The following BIN1 variants were observed in gnomAD, a reference collection of about 807,000 sequenced individuals.
BIN1 encodes bridging integrator 1.
In BIN1, 53 loss-of-function variants were observed where a neutral mutation model predicts 82.0. That is an observed-to-expected ratio of 0.65 (90% CI 0.52 to 0.81). BIN1 has a LOEUF of 0.81. Ranked by LOEUF, BIN1 falls within the 40% of genes least tolerant of loss-of-function variation. The pLI, the probability that BIN1 is intolerant of heterozygous loss-of-function variation, is 0.00. For synonymous variants in BIN1, 302 were observed against 328.0 expected, an observed-to-expected ratio of 0.92 and a Z score of 0.86; for missense variants, 642 against 784.4, an observed-to-expected ratio of 0.82 and a Z score of 2.17.
In BIN1 at chr2:127,107,041, C is replaced by A. The variant is rs1252914355; in HGVS notation, c.-98G>T. The A allele has an allele frequency of 8.1e-7, 1 of 1,241,026 alleles. No individual in the cohort carries two copies. 76.9% of individuals were successfully genotyped at this position (1,241,026 alleles called of 1,614,324 possible). A position where few individuals can be genotyped will look rare whatever the true frequency, so the allele number is the denominator to read the frequency against. ...CCCAGCCCCGGCCGCGCGTCCAGAC[C>A]GGCTGCCGCTCCACGCCGCGCACCC... On this transcript the variant is annotated 5_prime_UTR_variant, in exon 1 of 19. Transcript: ENST00000316724. This position sits in a 1 kb window ranked among gnomAD's most constrained non-coding sequence, Gnocchi z 5.9.
chr2:127,084,498 C>T (rs911925817), intron 1 of BIN1, among the ~76,000 whole-genome samples: 2 of 152,264 alleles, frequency 1.3e-5, no homozygotes, highest in African/African-American at 2.4e-5. Context: ...CCTGCACTGT[C>T]CCTGCCCCAG....
chr2:127,052,204 A>G (rs1350848065), intron 15 of BIN1, 51 bp downstream of exon 15: 9 of 1,515,228 alleles, frequency 5.9e-6, no homozygotes, highest in Non-Finnish European at 8.1e-6. Context: ...TCCATGCTGC[A>G]CCCCTAGAGA....
intron 9 of BIN1, among the ~76,000 whole-genome samples, chr2:127,063,234 G>A (rs1684727178): frequency 6.6e-6 from 1 of 152,204 alleles, no homozygotes; most frequent in Admixed American, 6.5e-5. Context: ...CCTACAAATT[G>A]AGAAACTGCC....
At chr2:127,073,624 C>G (rs1686216544) in intron 2 of BIN1, among the ~76,000 whole-genome samples, 1 of 152,210 alleles carries the variant, frequency 6.6e-6, no homozygotes, top group Non-Finnish European at 1.5e-5. Flanking sequence ...TACGTGGACC[C>G]CCTCTGGCAC....
intron 1 of BIN1, among the ~76,000 whole-genome samples, chr2:127,080,262 C>A (rs996457957): frequency 6.6e-6 from 1 of 152,262 alleles, no homozygotes; most frequent in Non-Finnish European, 1.5e-5. Flanking sequence ...TCTCCCACCC[C>A]ATCCGTTCCA....
At chr2:127,077,118 G>A (rs955066229) in intron 1 of BIN1, among the ~76,000 whole-genome samples, 4 of 152,278 alleles carry the variant, frequency 2.6e-5, no homozygotes, top group Admixed American at 1.3e-4. Flanking sequence ...TCACTTCTCC[G>A]CATGACTCTA....
At chr2:127,069,471 G>A (rs948256170) in intron 5 of BIN1, among the ~76,000 whole-genome samples, 6 of 152,114 alleles carry the variant, frequency 3.9e-5, no homozygotes, top group African/African-American at 2.4e-5. Context: ...CACGTTACCG[G>A]GGACCACTCG....
intron 1 of BIN1, among the ~76,000 whole-genome samples, chr2:127,088,973 G>A (rs770226119): frequency 6.6e-6 from 1 of 152,168 alleles, no homozygotes; most frequent in African/African-American, 2.4e-5. Flanking sequence ...GCGTGGCTGA[G>A]AGTGGCAGGG....
In BIN1 at chr2:127,048,515, G is replaced by A. The variant is rs753716987; in HGVS notation, c.*11C>T. On this transcript the variant is annotated 3_prime_UTR_variant, in exon 19 of 19. Coordinates refer to ENST00000316724, the MANE Select transcript of BIN1 (RefSeq NM_139343.3). ...TTCTTCACACGCCCGGAGGCTGCCTGGGCCCCGCCGTCATGGGACCCTCTC... is the reference window on the plus strand; with the variant it reads ...TTCTTCACACGCCCGGAGGCTGCCTAGGCCCCGCCGTCATGGGACCCTCTC... 2.2e-5 allele frequency: 35 copies of A among 1,613,184 alleles called. No individual in the cohort carries two copies. The highest frequency in any genetic ancestry group is 2.6e-5 in the Non-Finnish European group (31 of 1,179,566).
intron 12 of BIN1, chr2:127,055,451 C>G (rs560861472): frequency 1.3e-5 from 2 of 152,094 alleles, no homozygotes; most frequent in Non-Finnish European, 2.9e-5. Context: ...CAGCAGCTGA[C>G]TTTCCTTTAG....
chr2:127,074,513 ACT>A (rs1686343303), intron 2 of BIN1, among the ~76,000 whole-genome samples: 1 of 152,060 alleles, frequency 6.6e-6, no homozygotes, highest in South Asian at 2.1e-4. Flanking sequence ...TTAGCCCTGG[ACT>A]CTCTGCCCAA....
rs1179462573 is a variant in BIN1 at position 127,093,912 on chromosome 2, G to A, written c.84+12948C>T. On this transcript the variant is annotated intron_variant, in intron 1 of 18. Coordinates refer to ENST00000316724, the MANE Select transcript of BIN1 (RefSeq NM_139343.3). The surrounding 1 kb of genome is among the most constrained non-coding windows in gnomAD (Gnocchi z 5.7). Reference sequence around the variant, plus strand: ...GACTCCCTGGACTCCTCCAGTGCTGGGGGCCCCAGGCCTAAACTCAGACAG... The same window carrying A: ...GACTCCCTGGACTCCTCCAGTGCTGAGGGCCCCAGGCCTAAACTCAGACAG... Among the ~76,000 whole-genome samples the A allele has an allele frequency of 2.0e-5, 3 of 152,148 alleles. No homozygotes were observed. The highest frequency in any genetic ancestry group is 7.2e-5 in the African/African-American group (3 of 41,422).
intron 12 of BIN1, 29 bp from the exon 13 acceptor site, chr2:127,054,041 G>A (rs566060996): frequency 1.2e-5 from 19 of 1,542,796 alleles, no homozygotes; most frequent in African/African-American, 2.7e-5. Flanking sequence ...AGCAGAGGAG[G>A]AAGCAGTTAG....
intron 5 of BIN1, among the ~76,000 whole-genome samples, chr2:127,069,766 G>A (rs1351460870): frequency 6.1e-5 from 7 of 115,096 alleles, no homozygotes; most frequent in Non-Finnish European, 1.1e-4. Flanking sequence ...ACACACACAC[G>A]TGCCGTGAGG....
intron 10 of BIN1, among the ~76,000 whole-genome samples, chr2:127,060,058 C>T (rs1014679363): frequency 1.3e-5 from 2 of 152,154 alleles, no homozygotes; most frequent in African/African-American, 4.8e-5. Context: ...GGCTCCTGTG[C>T]TGGACAGTGC....
rs145705260 is a variant in BIN1, at chr2:127,053,616, G to A, written c.1240-171C>T. On this transcript the variant is annotated intron_variant, in intron 13 of 18. Coordinates refer to ENST00000316724, the MANE Select transcript of BIN1 (RefSeq NM_139343.3). ...AAGATTTGCAGGTGGCCGAGCTCCCGACACCTCTCAGGGAGCTTCAAGACC... is the reference window on the plus strand; with the variant it reads ...AAGATTTGCAGGTGGCCGAGCTCCCAACACCTCTCAGGGAGCTTCAAGACC... 2.2e-3 allele frequency: 1,967 copies of A among 886,642 alleles called. 23 individuals carry two copies. In the African/African-American group the frequency reaches 0.028, roughly 13 times the overall value. The allele number at this position is 886,642 out of a possible 1,614,324, so 54.9% of individuals were successfully genotyped here.
In BIN1 at chr2:127,078,191, C is replaced by G. The variant is rs188851236; in HGVS notation, c.85-1485G>C. Among the ~76,000 whole-genome samples, 842 of 152,288 alleles carry G rather than the reference C, an allele frequency of 5.5e-3. 9 individuals carry two copies. The highest frequency in any genetic ancestry group is 0.018 in the African/African-American group (744 of 41,518). The stretch of plus-strand genomic sequence containing the variant: ...GTGCTGCCCTGCTGCACTTCCCCCC[C>G]CAGCCAGGCCCAGAAGCCTTGGCAA... On this transcript the variant is annotated intron_variant, in intron 1 of 18. Transcript: ENST00000316724.
At chr2:127,072,378 A>G (rs796294510) in intron 2 of BIN1, among the ~76,000 whole-genome samples, 33 of 152,350 alleles carry the variant, frequency 2.2e-4, no homozygotes, top group African/African-American at 7.2e-4. Context: ...CCCACCTGAC[A>G]GCAAAGAAGC....
Position 127,059,071 on chromosome 2 carries a change from G to C in BIN1, c.942C>G (p.His314Gln), listed in dbSNP as rs370911793. ...TGGCCCCGCCGGCCGGCTCTGGCTC[G>C]TGGTTGACTCTGATCTCGGGGGTGG... Reference protein sequence around the residue: ...PAATPEIRVNHEPEPAGGATP... With the variant: ...PAATPEIRVNQEPEPAGGATP... Residue 314 changes from histidine to glutamine, a missense_variant, in exon 11 of 19, where the codon CAC becomes CAG. His to Gln is a conservative substitution (Grantham distance 24, BLOSUM62 0). Coordinates refer to ENST00000316724, the MANE Select transcript of BIN1 (RefSeq NM_139343.3). This position sits in a 1 kb window ranked among gnomAD's most constrained non-coding sequence, Gnocchi z 6.7. 3 of 1,587,096 alleles carry C rather than the reference G, an allele frequency of 1.9e-6. No homozygotes were observed. Among genetic ancestry groups the C allele is most frequent in the South Asian group, 2.3e-5 (2 of 86,754 alleles).
Sources: allele counts gnomAD v4.1 joint callset (sites outside exome capture counted in the v4.1 genomes callset), GRCh38; gene constraint gnomAD v4.1.1; non-coding constraint Gnocchi (gnomAD v3.1); transcripts MANE v1.5; gene names NCBI Gene and HGNC (gene_info 2026-07-23, HGNC 2026-07-21).